The following DMGDH variants were observed in gnomAD, a reference collection of about 807,000 sequenced individuals.
DMGDH encodes the protein dimethylglycine dehydrogenase.
In DMGDH, 76 loss-of-function variants were observed where a neutral mutation model predicts 95.2. The observed-to-expected ratio is 0.80, with a 90% confidence interval of 0.66 to 0.97. The LOEUF (loss-of-function observed/expected upper bound fraction) is 0.97. Among genes scored for constraint, DMGDH ranks in the 50% least tolerant of loss-of-function variants. The pLI is 0.00. For synonymous variants in DMGDH, 345 were observed against 377.6 expected (o/e 0.91, Z 1.00); for missense variants, 987 against 1,055.0 (o/e 0.94, Z 0.89).
intron 7 of DMGDH, among the ~76,000 whole-genome samples, chr5:79,041,185 G>A (rs1187241598): frequency 6.6e-6 from 1 of 152,158 alleles, no homozygotes; most frequent in Non-Finnish European, 1.5e-5. Context: ...TGCTACCTTG[G>A]TAGAGACCCC....
intron 15 of DMGDH, chr5:79,000,356 C>A (rs890429910): frequency 1.5e-6 from 1 of 654,116 alleles, no homozygotes; most frequent in South Asian, 1.4e-5. Flanking sequence ...TGTTTATTCT[C>A]ACAATATACT....
intron 1 of DMGDH, 52 bp downstream of exon 1, chr5:79,069,468 C>A (rs1393260245): frequency 1.7e-6 from 2 of 1,158,198 alleles, no homozygotes; most frequent in African/African-American, 3.2e-5. Context: ...GCCTCTGGCT[C>A]CCACCCCCGC....
At position 79,069,628 on chromosome 5, in the gene DMGDH, C is replaced by A; in HGVS notation, c.-8G>T. 2.2e-6 allele frequency: 3 copies of A among 1,362,604 alleles called. No individual in the cohort carries two copies. Among genetic ancestry groups the A allele is most frequent in the Non-Finnish European group, 2.8e-6 (3 of 1,057,876 alleles). The allele number at this position is 1,362,604 out of a possible 1,614,324, so 84.4% of individuals were successfully genotyped here. ...CGCGCCGGGACGGAGCATGACTAGG[C>A]CGAGGCCGAGGGCGCAGGCGCCTGC... is the stretch of plus-strand genomic sequence containing the variant. On this transcript the variant is annotated 5_prime_UTR_variant, in exon 1 of 16. Coordinates refer to ENST00000255189, the MANE Select transcript of DMGDH (RefSeq NM_013391.3).
chr5:79,051,915 A>C (rs544140488), intron 4 of DMGDH, among the ~76,000 whole-genome samples: 151 of 152,328 alleles, frequency 9.9e-4, no homozygotes, highest in African/African-American at 3.5e-3. Flanking sequence ...CTGTGGGGAA[A>C]ACAAAGAAGA....
intron 14 of DMGDH, among the ~76,000 whole-genome samples, chr5:79,010,950 T>A (rs1014501667): frequency 3.3e-5 from 5 of 152,306 alleles, no homozygotes; most frequent in Non-Finnish European, 5.9e-5. Flanking sequence ...GAAAAGCTTC[T>A]CATTTAGAAT....
chr5:79,040,101 T>C lies in DMGDH; in HGVS notation c.1193+2182A>G, dbSNP rs74469954. Among the ~76,000 whole-genome samples the C allele has an allele frequency of 7.1e-3, 1,078 of 152,316 alleles. 16 individuals are homozygous for C. Among genetic ancestry groups the C allele is most frequent in the African/African-American group, 0.025 (1,035 of 41,560 alleles). On this transcript the variant is annotated intron_variant, in intron 7 of 15. Coordinates refer to ENST00000255189, the MANE Select transcript of DMGDH (RefSeq NM_013391.3). The stretch of plus-strand genomic sequence containing the variant: ...AGGAGAGGGTTGTGGGAACACCCAG[T>C]TGGTCAGAAGTATGGGTGTCTCCCG...
At chr5:79,023,484 T>C (rs1486130022) in intron 14 of DMGDH, among the ~76,000 whole-genome samples, 4 of 152,238 alleles carry the variant, frequency 2.6e-5, no homozygotes, top group Non-Finnish European at 4.4e-5. Context: ...TTTAGAGTAA[T>C]GCTTCTCAAA....
chr5:79,018,360 C>A (rs1222529193), intron 14 of DMGDH, among the ~76,000 whole-genome samples: 2 of 152,148 alleles, frequency 1.3e-5, no homozygotes, highest in Non-Finnish European at 2.9e-5. Flanking sequence ...AACATAACAA[C>A]ACAAATGACT....
At chr5:79,008,736 G>C (rs796070669) in intron 14 of DMGDH, among the ~76,000 whole-genome samples, 6 of 152,164 alleles carry the variant, frequency 3.9e-5, no homozygotes, top group African/African-American at 9.6e-5. Flanking sequence ...CAGGAAAGGT[G>C]GGGGGAGAGT....
intron 1 of DMGDH, among the ~76,000 whole-genome samples, chr5:79,066,922 A>T (rs1429060966): frequency 6.6e-6 from 1 of 152,186 alleles, no homozygotes; most frequent in Non-Finnish European, 1.5e-5. Context: ...TGGCTTTAAC[A>T]TCTATTGATT....
At chr5:79,050,127 G>A (rs905473830) in intron 5 of DMGDH, among the ~76,000 whole-genome samples, 1 of 150,744 alleles carries the variant, frequency 6.6e-6, no homozygotes, top group African/African-American at 2.4e-5. Context: ...TGTGGTGGCA[G>A]GCGCCTGTTA....
chr5:79,049,195 AC>A (rs1754765294), intron 5 of DMGDH, among the ~76,000 whole-genome samples: 2 of 152,194 alleles, frequency 1.3e-5, no homozygotes, highest in Non-Finnish European at 2.9e-5. Context: ...AACTAGTGTT[AC>A]GGGTTTAGGT....
At chr5:79,050,398 T>C (rs926172276) in intron 5 of DMGDH, among the ~76,000 whole-genome samples, 7 of 151,620 alleles carry the variant, frequency 4.6e-5, no homozygotes, top group African/African-American at 1.7e-4. Context: ...TAATAAAGAT[T>C]GTTTTCATTT....
At chr5:79,052,750 C>T (rs966452490) in intron 4 of DMGDH, among the ~76,000 whole-genome samples, 1 of 152,158 alleles carries the variant, frequency 6.6e-6, no homozygotes, top group Non-Finnish European at 1.5e-5. Context: ...TATATCCTTA[C>T]TGGTAGTGGA....
chr5:79,021,453 T>C (rs1312215291), intron 14 of DMGDH: 1 of 1,215,390 alleles, frequency 8.2e-7, no homozygotes, highest in African/African-American at 1.6e-5. Context: ...CAACTTCACA[T>C]AAGCCAACAG....
chr5:79,064,309 C>T (rs1015257629), intron 1 of DMGDH, among the ~76,000 whole-genome samples: 8 of 151,728 alleles, frequency 5.3e-5, no homozygotes, highest in African/African-American at 9.7e-5. Context: ...ACCATGAGTG[C>T]GCCACTCCAC....
chr5:79,003,809 T>C (rs530772311), intron 15 of DMGDH, among the ~76,000 whole-genome samples: 6 of 152,066 alleles, frequency 3.9e-5, no homozygotes, highest in Admixed American at 2.0e-4. Context: ...TAGCCAAGCA[T>C]GGTGGCACGC....
At chr5:79,015,487 G>A (rs1434457629) in intron 14 of DMGDH, among the ~76,000 whole-genome samples, 2 of 152,180 alleles carry the variant, frequency 1.3e-5, no homozygotes, top group Admixed American at 6.5e-5. Flanking sequence ...CTTGGCACAT[G>A]AGACTCTTCA....
chr5:79,031,109 G>A, intron 9 of DMGDH, 111 bp from the exon 10 acceptor site: 2 of 601,100 alleles, frequency 3.3e-6, no homozygotes, highest in East Asian at 6.9e-5. Flanking sequence ...CGGGCAGCGG[G>A]GAGTGGGACT....
Sources: gnomAD v4.1 joint callset for allele counts (sites outside exome capture counted in the v4.1 genomes callset) on GRCh38, gnomAD v4.1.1 for gene constraint, MANE v1.5 for transcripts, NCBI Gene and HGNC (gene_info 2026-07-23, HGNC 2026-07-21) for gene names.